ALK: variants seen among roughly 807,000 people sequenced by gnomAD.
ALK encodes ALK receptor tyrosine kinase.
A neutral mutation model predicts 163.1 loss-of-function variants in ALK; 74 were observed. The observed-to-expected ratio is 0.45, with a 90% CI of 0.38 to 0.55. The LOEUF (loss-of-function observed/expected upper bound fraction) is 0.55, where lower values mean the gene tolerates loss of function less well. ALK is among the 20% of genes least tolerant of loss of function. ALK has a pLI of 0.00. For synonymous variants in ALK, 960 were observed against 843.2 expected (o/e 1.14, Z -2.40); for missense variants, 2,063 against 2,105.3 (o/e 0.98, Z 0.39).
intron 4 of ALK, among the ~76,000 whole-genome samples, chr2:29,418,626 A>C (rs991399404): frequency 3.9e-5 from 6 of 152,170 alleles, no homozygotes; most frequent in Non-Finnish European, 7.4e-5. Context: ...CCCACGTATA[A>C]GTGACAACAT....
At chr2:29,753,025 T>G (rs547456539) in intron 1 of ALK, among the ~76,000 whole-genome samples, 1 of 152,276 alleles carries the variant, frequency 6.6e-6, no homozygotes, top group East Asian at 1.9e-4. Context: ...CATGTCTTCC[T>G]TGTCTCCACC....
chr2:29,423,962 A>G (rs1284736653), intron 4 of ALK, among the ~76,000 whole-genome samples: 3 of 152,188 alleles, frequency 2.0e-5, no homozygotes, highest in African/African-American at 7.2e-5. Context: ...TTCTATCCCT[A>G]GAGGTAGCCA....
chr2:29,358,964 G>A (rs554297005), intron 5 of ALK, among the ~76,000 whole-genome samples: 1 of 152,200 alleles, frequency 6.6e-6, no homozygotes, highest in African/African-American at 2.4e-5. Context: ...TCCACTAAGA[G>A]TTGTACAATT....
chr2:29,615,852 T>C (rs1395542685), intron 3 of ALK, among the ~76,000 whole-genome samples: 1 of 152,228 alleles, frequency 6.6e-6, no homozygotes, highest in Non-Finnish European at 1.5e-5. Context: ...CTGCAAGGAA[T>C]ACCTTTTGCA....
At chr2:29,656,182 A>G (rs1461180172) in intron 3 of ALK, among the ~76,000 whole-genome samples, 1 of 152,144 alleles carries the variant, frequency 6.6e-6, no homozygotes, top group African/African-American at 2.4e-5. Flanking sequence ...TTTTTACATT[A>G]AATACTTCAT....
chr2:29,240,031 C>A (rs1294438814), intron 12 of ALK, among the ~76,000 whole-genome samples: 1 of 151,958 alleles, frequency 6.6e-6, no homozygotes, highest in East Asian at 1.9e-4. Context: ...AGGGAGTTGC[C>A]TCAGTCACAG....
chr2:29,656,750 A>G (rs1677196265), intron 3 of ALK, among the ~76,000 whole-genome samples: 2 of 152,082 alleles, frequency 1.3e-5, no homozygotes, highest in African/African-American at 2.4e-5. Flanking sequence ...TCAGAATCCA[A>G]TGAGCAAGGA....
chr2:29,699,337 G>A (rs985250849), intron 2 of ALK, among the ~76,000 whole-genome samples: 5 of 152,112 alleles, frequency 3.3e-5, no homozygotes, highest in Admixed American at 6.5e-5. Flanking sequence ...AGAAGTGGAC[G>A]GTTTCTTCTT....
chr2:29,626,676 T>C (rs1573509776), intron 3 of ALK, among the ~76,000 whole-genome samples: 1 of 152,142 alleles, frequency 6.6e-6, no homozygotes, highest in Non-Finnish European at 1.5e-5. Context: ...AGTGACAAGG[T>C]GGCCATATGC....
chr2:29,764,843 T>C (rs954538849), intron 1 of ALK, among the ~76,000 whole-genome samples: 1 of 152,188 alleles, frequency 6.6e-6, no homozygotes, highest in African/African-American at 2.4e-5. Flanking sequence ...TGGATTTGTG[T>C]CCCCACCCAA....
At chr2:29,412,768 G>T (rs923225752) in intron 4 of ALK, among the ~76,000 whole-genome samples, 1 of 152,114 alleles carries the variant, frequency 6.6e-6, no homozygotes, top group Non-Finnish European at 1.5e-5. Context: ...TCACAGTCAG[G>T]TCCAGCCTTG....
chr2:29,220,751 C>A lies in ALK; in HGVS notation c.3600G>T (p.Ala1200=), dbSNP rs56247462. Residue 1200 remains alanine, a synonymous_variant, in exon 23 of 29, where the codon GCG becomes GCT. Coordinates refer to ENST00000389048, the MANE Select transcript of ALK (RefSeq NM_004304.5). ...GGAGGAAGGACTTGAGGTCTCCCCCCGCCATGAGCTCCAGCAGGATGAACC... is the reference window on the plus strand; with the variant it reads ...GGAGGAAGGACTTGAGGTCTCCCCCAGCCATGAGCTCCAGCAGGATGAACC... ...LPRFILLELM[A]GGDLKSFLRE... 1.2e-5 allele frequency: 20 copies of A among 1,613,910 alleles called. 1 individual carries two copies. The highest frequency in any genetic ancestry group is 1.7e-5 in the Admixed American group (1 of 60,010).
intron 5 of ALK, among the ~76,000 whole-genome samples, chr2:29,371,468 G>A (rs1668635736): frequency 6.6e-6 from 1 of 152,206 alleles, no homozygotes; most frequent in African/African-American, 2.4e-5. Context: ...GGGTAGGGAG[G>A]AAGTAAAATG....
intron 2 of ALK, among the ~76,000 whole-genome samples, chr2:29,700,524 A>G (rs1261803817): frequency 6.6e-6 from 1 of 152,222 alleles, no homozygotes; most frequent in Non-Finnish European, 1.5e-5. Context: ...AGCCTGGGCA[A>G]CAAGAGAGAA....
intron 3 of ALK, among the ~76,000 whole-genome samples, chr2:29,589,673 C>T (rs1323138647): frequency 6.6e-6 from 1 of 152,166 alleles, no homozygotes; most frequent in African/African-American, 2.4e-5. Context: ...GCTAACTCCA[C>T]TGCTATTGTA....
intron 2 of ALK, among the ~76,000 whole-genome samples, chr2:29,705,108 C>G (rs1420524379): frequency 1.3e-5 from 2 of 150,570 alleles, no homozygotes; most frequent in African/African-American, 2.4e-5. Flanking sequence ...ATCCCAGCTG[C>G]TCGGGAGGCT....
chr2:29,237,795 G>A (rs1336454372), intron 13 of ALK, among the ~76,000 whole-genome samples: 1 of 152,184 alleles, frequency 6.6e-6, no homozygotes, highest in Non-Finnish European at 1.5e-5. Context: ...GGAAGTGTCT[G>A]GAGGCTTTTG....
chr2:29,842,003 C>G (rs557575190), intron 1 of ALK, among the ~76,000 whole-genome samples: 1 of 152,108 alleles, frequency 6.6e-6, no homozygotes, highest in Admixed American at 6.6e-5. Flanking sequence ...CCATCCTCCT[C>G]TTCACTCCTC....
chr2:29,344,155 T>C (rs1034237386), intron 5 of ALK, among the ~76,000 whole-genome samples: 4 of 152,200 alleles, frequency 2.6e-5, no homozygotes, highest in African/African-American at 4.8e-5. Context: ...CCATCCTGTA[T>C]ACTAGGACAG....
Sources: gnomAD v4.1 joint callset for allele counts (sites outside exome capture counted in the v4.1 genomes callset) on GRCh38, gnomAD v4.1.1 for gene constraint, MANE v1.5 for transcripts, NCBI Gene and HGNC (gene_info 2026-07-23, HGNC 2026-07-21) for gene names.